CDH13: variants seen among roughly 807,000 people sequenced by gnomAD.
The protein encoded by CDH13 is cadherin-13.
CDH13 carries 24 observed loss-of-function variants against 63.8 expected under a neutral mutation model. That is an observed-to-expected ratio of 0.38 (90% CI 0.27 to 0.53). The LOEUF is 0.53. Ranked by LOEUF, CDH13 falls within the 20% of genes least tolerant of loss-of-function variation. The pLI, the probability that CDH13 is intolerant of heterozygous loss-of-function variation, is 0.85. For synonymous variants in CDH13, 503 were observed against 355.3 expected (o/e 1.42, Z -4.67); for missense variants, 1,049 against 903.1 (o/e 1.16, Z -2.07).
At chr16:83,705,432 C>G (rs1906879087) in intron 10 of CDH13, among the ~76,000 whole-genome samples, 1 of 152,022 alleles carries the variant, frequency 6.6e-6, no homozygotes, top group African/African-American at 2.4e-5. Flanking sequence ...ACCATCCTGG[C>G]TAACACGGTG....
chr16:82,958,613 A>G (rs1906480222), intron 2 of CDH13, among the ~76,000 whole-genome samples: 1 of 152,260 alleles, frequency 6.6e-6, no homozygotes, highest in Non-Finnish European at 1.5e-5. Context: ...GGGATTCACC[A>G]TGGAGATATT....
At chr16:82,877,286 TTATC>T (rs1220860732) in intron 2 of CDH13, among the ~76,000 whole-genome samples, 1 of 152,244 alleles carries the variant, frequency 6.6e-6, no homozygotes, top group Non-Finnish European at 1.5e-5. Context: ...GATGAGCTAT[TTATC>T]TAGCTAAGGA....
intron 1 of CDH13, among the ~76,000 whole-genome samples, chr16:82,831,567 G>T (rs1401342498): frequency 6.6e-6 from 1 of 152,110 alleles, no homozygotes; most frequent in African/African-American, 2.4e-5. Flanking sequence ...GGGCTGAGGT[G>T]AGGACCCCAG....
At chr16:83,317,315 C>G (rs2090128411) in intron 5 of CDH13, among the ~76,000 whole-genome samples, 1 of 152,206 alleles carries the variant, frequency 6.6e-6, no homozygotes, top group African/African-American at 2.4e-5. Context: ...TTGCTGGTGT[C>G]ACATCTGCTT....
intron 7 of CDH13, among the ~76,000 whole-genome samples, chr16:83,593,783 A>G (rs1437507533): frequency 1.3e-5 from 2 of 152,172 alleles, no homozygotes; most frequent in Non-Finnish European, 2.9e-5. Flanking sequence ...AAGCCTCTAA[A>G]CAAGAAAAGG....
intron 3 of CDH13, among the ~76,000 whole-genome samples, chr16:83,101,492 T>G (rs2034476470): frequency 6.6e-6 from 1 of 150,814 alleles, no homozygotes; most frequent in African/African-American, 2.4e-5. Context: ...TGAAGGATGT[T>G]TTAGAAATAC....
At chr16:83,681,275 C>T (rs899816378) in intron 10 of CDH13, among the ~76,000 whole-genome samples, 1 of 152,184 alleles carries the variant, frequency 6.6e-6, no homozygotes, top group Non-Finnish European at 1.5e-5. Context: ...AAAGGTGAAC[C>T]TTGTGAACCC....
At chr16:83,184,882 CGTGTGTGTGTGT>C (rs71272419) in intron 4 of CDH13, among the ~76,000 whole-genome samples, 76 of 145,406 alleles carry the variant, frequency 5.2e-4, no homozygotes, top group African/African-American at 1.8e-3. Context: ...ATGTCTAAGC[CGTGTGTGTGTGT>C]GTGTGTGTGT....
intron 10 of CDH13, among the ~76,000 whole-genome samples, chr16:83,731,077 G>C (rs1023163624): frequency 2.0e-5 from 3 of 152,200 alleles, no homozygotes; most frequent in African/African-American, 4.8e-5. Flanking sequence ...ATGAGCACCT[G>C]GATTGGTTCC....
At chr16:82,758,408 G>A (rs1030953747) in intron 1 of CDH13, among the ~76,000 whole-genome samples, 1 of 138,512 alleles carries the variant, frequency 7.2e-6, no homozygotes, top group East Asian at 2.2e-4. Context: ...CACCACCTTG[G>A]CCCAGGAGAC....
At chr16:82,799,054 T>C (rs2036725566) in intron 1 of CDH13, among the ~76,000 whole-genome samples, 1 of 152,158 alleles carries the variant, frequency 6.6e-6, no homozygotes, top group Non-Finnish European at 1.5e-5. Context: ...CTCTTAGGAC[T>C]ATTCAAACCC....
intron 6 of CDH13, among the ~76,000 whole-genome samples, chr16:83,443,960 C>T (rs1232634036): frequency 6.7e-6 from 1 of 149,578 alleles, no homozygotes; most frequent in East Asian, 1.9e-4. Context: ...AATGGTACCT[C>T]CTATAGAGTC....
chr16:83,068,657 A>T (rs559840200), intron 3 of CDH13, among the ~76,000 whole-genome samples: 1 of 152,122 alleles, frequency 6.6e-6, no homozygotes, highest in Non-Finnish European at 1.5e-5. Flanking sequence ...CTTCATCTTT[A>T]ATGCCATTAA....
chr16:83,135,132 T>C (rs1048288071), intron 4 of CDH13, among the ~76,000 whole-genome samples: 5 of 152,230 alleles, frequency 3.3e-5, no homozygotes, highest in Admixed American at 6.5e-5. Context: ...AAGCCAAACA[T>C]GGCTAACCCT....
intron 7 of CDH13, among the ~76,000 whole-genome samples, chr16:83,550,972 C>G (rs1435535918): frequency 2.0e-5 from 3 of 152,168 alleles, no homozygotes; most frequent in Admixed American, 1.3e-4. Flanking sequence ...TCTTCTTTCT[C>G]TGAAGCCAAT....
At chr16:82,743,131 AT>A (rs1230616760) in intron 1 of CDH13, among the ~76,000 whole-genome samples, 1 of 152,222 alleles carries the variant, frequency 6.6e-6, no homozygotes, top group Non-Finnish European at 1.5e-5. Context: ...TTTGGAAATG[AT>A]TTTTAAAAAT....
chr16:83,554,627 C>T (rs866473593), intron 7 of CDH13, among the ~76,000 whole-genome samples: 1 of 151,928 alleles, frequency 6.6e-6, no homozygotes, highest in Non-Finnish European at 1.5e-5. Flanking sequence ...AAAACTGTCA[C>T]AAAAGACTGC....
At chr16:82,802,343 C>T (rs1373285096) in intron 1 of CDH13, among the ~76,000 whole-genome samples, 1 of 152,088 alleles carries the variant, frequency 6.6e-6, no homozygotes, top group Non-Finnish European at 1.5e-5. Flanking sequence ...AGGAGTCGAC[C>T]CTGATGAAGC....
intron 13 of CDH13, among the ~76,000 whole-genome samples, chr16:83,787,590 A>G (rs1273144470): frequency 6.6e-6 from 1 of 152,190 alleles, no homozygotes; most frequent in East Asian, 1.9e-4. Context: ...AGTGAGCGCC[A>G]GACAGACCAC....
Sources: allele counts gnomAD v4.1 joint callset (sites outside exome capture counted in the v4.1 genomes callset), GRCh38; gene constraint gnomAD v4.1.1; transcripts MANE v1.5; gene names NCBI Gene and HGNC (gene_info 2026-07-23, HGNC 2026-07-21).